Variants in ARL15 observed in about 807,000 individuals in gnomAD.
ARL15 encodes ARF like GTPase 15.
ARL15 carries 19 observed loss-of-function variants against 25.2 expected under a neutral mutation model. The observed-to-expected ratio is 0.75, with a 90% confidence interval of 0.53 to 1.10. The LOEUF is 1.10. Among genes scored for constraint, ARL15 ranks in the 50% least tolerant of loss-of-function variants. The pLI is 0.00. For synonymous variants in ARL15, 94 were observed against 86.8 expected, an observed-to-expected ratio of 1.08 and a Z score of -0.46; for missense variants, 220 against 246.0, an observed-to-expected ratio of 0.89 and a Z score of 0.71.
intron 1 of ARL15, among the ~76,000 whole-genome samples, chr5:54,230,498 C>T (rs546960904): frequency 2.0e-5 from 3 of 152,088 alleles, no homozygotes; most frequent in African/African-American, 4.8e-5. Context: ...TGCCTCAATA[C>T]GGTCTCCTCA....
chr5:54,301,569 C>A (rs1414251222), intron 1 of ARL15, among the ~76,000 whole-genome samples: 1 of 152,170 alleles, frequency 6.6e-6, no homozygotes, highest in African/African-American at 2.4e-5. Context: ...ATATTATTTT[C>A]TGTACTTTTC....
intron 4 of ARL15, among the ~76,000 whole-genome samples, chr5:54,074,404 C>T (rs1358932340): frequency 6.6e-6 from 1 of 152,144 alleles, no homozygotes; most frequent in Admixed American, 6.5e-5. Flanking sequence ...ATAAAGTCCA[C>T]AAACCACAGA....
chr5:53,923,969 C>A (rs1245629516), intron 4 of ARL15, among the ~76,000 whole-genome samples: 1 of 152,190 alleles, frequency 6.6e-6, no homozygotes, highest in East Asian at 1.9e-4. Context: ...AGCTTAAGAT[C>A]TGATTTGAAA....
chr5:54,051,499 A>G (rs547149339), intron 4 of ARL15, among the ~76,000 whole-genome samples: 1 of 152,370 alleles, frequency 6.6e-6, no homozygotes, highest in African/African-American at 2.4e-5. Flanking sequence ...ATAAATAGTA[A>G]GTATCTTAGT....
At chr5:54,026,874 G>T (rs1749800128) in intron 4 of ARL15, among the ~76,000 whole-genome samples, 1 of 152,186 alleles carries the variant, frequency 6.6e-6, no homozygotes, top group Admixed American at 6.5e-5. Context: ...TGAGTTGCCA[G>T]AAGGTTACTA....
intron 4 of ARL15, among the ~76,000 whole-genome samples, chr5:54,072,445 A>G (rs1328144958): frequency 6.6e-6 from 1 of 152,212 alleles, no homozygotes; most frequent in Non-Finnish European, 1.5e-5. Flanking sequence ...CTAAGCACAA[A>G]AAACAAGGAC....
intron 4 of ARL15, among the ~76,000 whole-genome samples, chr5:53,915,509 T>C (rs1319056801): frequency 6.6e-6 from 1 of 152,204 alleles, no homozygotes; most frequent in East Asian, 1.9e-4. Context: ...AATAAATCCA[T>C]AGCAAAAGAA....
At chr5:54,140,410 GGATAGACA>G (rs1013979192) in intron 3 of ARL15, among the ~76,000 whole-genome samples, 4 of 142,520 alleles carry the variant, frequency 2.8e-5, no homozygotes, top group African/African-American at 5.2e-5. Flanking sequence ...ATGCGTGTGT[GGATAGACA>G]GATAGATAGA....
At chr5:54,163,379 T>TGTAATGTCTCTGTGTGG (rs1754474696) in intron 2 of ARL15, among the ~76,000 whole-genome samples, 1 of 129,380 alleles carries the variant, frequency 7.7e-6, no homozygotes, top group Non-Finnish European at 1.6e-5. Context: ...TTTTTTTTTT[T>TGTAATGTCTCTGTGTGG]TTTTTTTTTT....
intron 4 of ARL15, among the ~76,000 whole-genome samples, chr5:54,087,306 C>A (rs886267640): frequency 1.3e-5 from 2 of 151,426 alleles, no homozygotes; most frequent in African/African-American, 2.4e-5. Flanking sequence ...CCAGCCTGGG[C>A]GACAGAGCGA....
chr5:53,981,879 A>G (rs1045648610), intron 4 of ARL15, among the ~76,000 whole-genome samples: 1 of 149,858 alleles, frequency 6.7e-6, no homozygotes, highest in African/African-American at 2.4e-5. Context: ...CAGACTGGGC[A>G]ACAAGAGTGA....
intron 3 of ARL15, among the ~76,000 whole-genome samples, chr5:54,117,331 T>C (rs1258097997): frequency 6.6e-6 from 1 of 150,558 alleles, no homozygotes; most frequent in Non-Finnish European, 1.5e-5. Context: ...ATTGGCCACA[T>C]TTAGGAGTAC....
intron 2 of ARL15, among the ~76,000 whole-genome samples, chr5:54,166,863 A>C (rs1363074472): frequency 1.3e-5 from 2 of 152,176 alleles, no homozygotes; most frequent in Non-Finnish European, 2.9e-5. Flanking sequence ...CATCCCTGAT[A>C]ATCTTTGACT....
In ARL15 at chr5:53,886,384, G is replaced by C. The variant is rs916700668; in HGVS notation, c.*177C>G. ...GTAGTGTGTACTTGACGTTAATGCC[G>C]ATGATAATTCATCTGATCTACAGAA... is the stretch of plus-strand genomic sequence containing the variant. On this transcript the variant is annotated 3_prime_UTR_variant, in exon 5 of 5. Transcript: ENST00000504924. 3.1e-6 allele frequency: 2 copies of C among 651,158 alleles called. No homozygotes were observed. The highest frequency in any genetic ancestry group is 4.6e-5 in the South Asian group (2 of 43,700). 40.3% of individuals were successfully genotyped at this position (651,158 alleles called of 1,614,324 possible).
intron 1 of ARL15, among the ~76,000 whole-genome samples, chr5:54,209,557 T>C (rs1035220393): frequency 6.6e-6 from 1 of 152,186 alleles, no homozygotes; most frequent in Non-Finnish European, 1.5e-5. Context: ...CCAAGAAATA[T>C]GGACTAGAAT....
chr5:54,280,211 T>C (rs890832605), intron 1 of ARL15, among the ~76,000 whole-genome samples: 7 of 152,212 alleles, frequency 4.6e-5, no homozygotes, highest in African/African-American at 1.7e-4. Context: ...CTCTACCTTT[T>C]GTGGTTTCCT....
At chr5:54,230,069 T>C (rs13354604) in intron 1 of ARL15, among the ~76,000 whole-genome samples, 18,213 of 152,052 alleles carry the variant, frequency 0.12, 1,748 homozygotes, top group African/African-American at 0.26. Flanking sequence ...AAAAACATTT[T>C]TAGAGCAGTG....
At chr5:54,292,663 T>G (rs1758363982) in intron 1 of ARL15, among the ~76,000 whole-genome samples, 1 of 152,166 alleles carries the variant, frequency 6.6e-6, no homozygotes, top group South Asian at 2.1e-4. Context: ...CAATTCAATT[T>G]AAAAGGATGG....
chr5:54,002,159 A>T (rs2111727584), intron 4 of ARL15, among the ~76,000 whole-genome samples: 1 of 138,912 alleles, frequency 7.2e-6, no homozygotes, highest in East Asian at 2.5e-4. Context: ...ATAGATAGAG[A>T]ACTCAGAAAT....
Sources: allele counts gnomAD v4.1 joint callset (sites outside exome capture counted in the v4.1 genomes callset), GRCh38; gene constraint gnomAD v4.1.1; transcripts MANE v1.5; gene names NCBI Gene and HGNC (gene_info 2026-07-23, HGNC 2026-07-21).